SNX29: variants seen among roughly 807,000 people sequenced by gnomAD.
SNX29 encodes sorting nexin-29.
Under a neutral mutation model 102.1 loss-of-function variants are expected in SNX29, and 78 were observed. The ratio of observed to expected loss-of-function variants is 0.76; its 90% confidence interval spans 0.64 to 0.92. The LOEUF (loss-of-function observed/expected upper bound fraction) is 0.92, where lower values mean the gene tolerates loss of function less well. SNX29 is among the 40% of genes least tolerant of loss of function. The pLI, the probability that SNX29 is intolerant of heterozygous loss-of-function variation, is 0.00. For synonymous variants in SNX29, 580 were observed against 414.5 expected (o/e 1.40, Z -4.85); for missense variants, 1,280 against 1,061.7 (o/e 1.21, Z -2.86).
At chr16:12,418,163 T>C (rs529678076) in intron 18 of SNX29, among the ~76,000 whole-genome samples, 22 of 152,346 alleles carry the variant, frequency 1.4e-4, no homozygotes, top group Admixed American at 3.9e-4. Flanking sequence ...CAATTATTGT[T>C]GTAGTACAGA....
chr16:12,526,844 C>A, intron 20 of SNX29: 2 of 400,374 alleles, frequency 5.0e-6, no homozygotes, highest in South Asian at 2.5e-5. Context: ...ATTCGCGTGC[C>A]GAATTGTAAA....
chr16:12,560,032 CA>C (rs1480039514), intron 20 of SNX29, among the ~76,000 whole-genome samples: 2 of 152,014 alleles, frequency 1.3e-5, no homozygotes, highest in Non-Finnish European at 2.9e-5. Flanking sequence ...CTTAGTATGA[CA>C]AATACACAAA....
intron 19 of SNX29, among the ~76,000 whole-genome samples, chr16:12,498,845 C>A (rs3888805): frequency 6.6e-6 from 1 of 152,148 alleles, no homozygotes. Flanking sequence ...TTGCTCAGTT[C>A]TGCTTGAAAG....
intron 15 of SNX29, among the ~76,000 whole-genome samples, chr16:12,336,170 G>A (rs568259064): frequency 2.0e-5 from 3 of 152,004 alleles, no homozygotes; most frequent in Admixed American, 2.0e-4. Context: ...TATTCTCAGA[G>A]TAGCTAACAG....
rs1277685773 is a variant in SNX29 at position 12,460,720 on chromosome 16, C to T, written c.2038-16999C>T. ...TTGCCTAGGCTGGAGTGCAGTGGTG[C>T]GATCTCAGCTCAATGCAACCTCCGC... On this transcript the variant is annotated intron_variant, in intron 18 of 20. Coordinates refer to ENST00000566228, the MANE Select transcript of SNX29 (RefSeq NM_032167.5). Among the ~76,000 whole-genome samples, 3 of 146,036 alleles carry T rather than the reference C, an allele frequency of 2.1e-5. No homozygotes were observed. In the East Asian group the frequency reaches 6.1e-4, roughly 30 times the overall value.
chr16:12,439,188 A>G (rs995637833), intron 18 of SNX29, among the ~76,000 whole-genome samples: 3 of 152,120 alleles, frequency 2.0e-5, no homozygotes, highest in African/African-American at 4.8e-5. Flanking sequence ...CAGCCTTGCA[A>G]TGGGAAGCAG....
intron 20 of SNX29, among the ~76,000 whole-genome samples, chr16:12,538,264 T>C (rs1207894158): frequency 6.6e-6 from 1 of 152,150 alleles, no homozygotes; most frequent in Non-Finnish European, 1.5e-5. Flanking sequence ...TACAGGGATC[T>C]GCCACCACAC....
intron 18 of SNX29, among the ~76,000 whole-genome samples, chr16:12,471,819 C>T (rs2087355081): frequency 6.6e-6 from 1 of 152,198 alleles, no homozygotes; most frequent in Admixed American, 6.5e-5. Context: ...AGATATAGAT[C>T]CTGGATGTTT....
At position 12,570,848 on chromosome 16, in the gene SNX29, T is replaced by G; in HGVS notation, c.*2219T>G. 1 of 232,092 alleles carries G rather than the reference T, an allele frequency of 4.3e-6. No individual in the cohort carries two copies. The highest frequency in any genetic ancestry group is 8.5e-6 in the Non-Finnish European group (1 of 117,348). 14.4% of individuals were successfully genotyped at this position (232,092 alleles called of 1,614,324 possible). On this transcript the variant is annotated 3_prime_UTR_variant, in exon 21 of 21. Transcript: ENST00000566228. ...AGTATGCTCTCAGCTGGTATTGAACTGGTGGGAGAAACTGCCTCCTACTTT... is the reference window on the plus strand; with the variant it reads ...AGTATGCTCTCAGCTGGTATTGAACGGGTGGGAGAAACTGCCTCCTACTTT...
At chr16:12,547,225 G>C (rs752708731) in intron 20 of SNX29, among the ~76,000 whole-genome samples, 6 of 152,214 alleles carry the variant, frequency 3.9e-5, no homozygotes, top group African/African-American at 7.2e-5. Context: ...CTGAGGCAGG[G>C]AGCCAGGCAG....
chr16:12,549,942 TAAGTA>T (rs1056114181), intron 20 of SNX29, among the ~76,000 whole-genome samples: 11 of 149,742 alleles, frequency 7.3e-5, no homozygotes, highest in South Asian at 2.1e-4. Flanking sequence ...CTGTTTTTTA[TAAGTA>T]AAGTTTTATT....
chr16:12,561,201 G>C (rs909288126), intron 20 of SNX29: 1 of 230,558 alleles, frequency 4.3e-6, no homozygotes, highest in Non-Finnish European at 8.6e-6. Flanking sequence ...CTGCCCATCA[G>C]GACCCCCGCA....
intron 19 of SNX29, among the ~76,000 whole-genome samples, chr16:12,505,399 G>A (rs2089326412): frequency 6.6e-6 from 1 of 152,032 alleles, no homozygotes; most frequent in Non-Finnish European, 1.5e-5. Flanking sequence ...AATTTTCTTG[G>A]CATCCTTGTG....
At chr16:12,044,963 T>G (rs1463268035) in intron 5 of SNX29, among the ~76,000 whole-genome samples, 2 of 152,312 alleles carry the variant, frequency 1.3e-5, no homozygotes, top group East Asian at 3.9e-4. Context: ...ATACTCAGTC[T>G]CAAAGTTGAA....
chr16:12,144,526 C>A (rs1567246456), intron 13 of SNX29, among the ~76,000 whole-genome samples: 1 of 152,210 alleles, frequency 6.6e-6, no homozygotes, highest in East Asian at 1.9e-4. Flanking sequence ...TATAAAAGGG[C>A]TAGCTGGGCT....
At chr16:12,056,638 A>T (rs1410173679) in intron 8 of SNX29, among the ~76,000 whole-genome samples, 1 of 152,214 alleles carries the variant, frequency 6.6e-6, no homozygotes, top group Non-Finnish European at 1.5e-5. Flanking sequence ...TCTGTTGGTC[A>T]AAGTTAGGCT....
At chr16:12,046,101 C>T (rs564062861) in intron 5 of SNX29, among the ~76,000 whole-genome samples, 1 of 152,208 alleles carries the variant, frequency 6.6e-6, no homozygotes, top group Non-Finnish European at 1.5e-5. Context: ...TGACAGCTCC[C>T]TTCTACTTTG....
chr16:12,092,900 A>G (rs1381358809), intron 11 of SNX29, among the ~76,000 whole-genome samples: 2 of 152,310 alleles, frequency 1.3e-5, no homozygotes, highest in Admixed American at 1.3e-4. Flanking sequence ...TAGGCAAGCC[A>G]GTATCAGTAA....
intron 18 of SNX29, among the ~76,000 whole-genome samples, chr16:12,461,895 G>T (rs1486983429): frequency 1.4e-5 from 2 of 141,146 alleles, no homozygotes; most frequent in Non-Finnish European, 3.0e-5. Flanking sequence ...GGCGGAGGTT[G>T]CAGTGAGCTG....
Sources: gnomAD v4.1 joint callset for allele counts (sites outside exome capture counted in the v4.1 genomes callset) on GRCh38, gnomAD v4.1.1 for gene constraint, MANE v1.5 for transcripts, NCBI Gene and HGNC (gene_info 2026-07-23, HGNC 2026-07-21) for gene names.